MACROD2: variants seen among roughly 807,000 people sequenced by gnomAD.
MACROD2 encodes mono-ADP ribosylhydrolase 2.
MACROD2 carries 36 observed loss-of-function variants against 70.4 expected under a neutral mutation model. The observed-to-expected ratio is 0.51, with a 90% CI of 0.39 to 0.68. The LOEUF is 0.68. MACROD2 is among the 30% of genes least tolerant of loss of function. The pLI, the probability that MACROD2 is intolerant of heterozygous loss-of-function variation, is 0.00. For missense variants in MACROD2, 496 were observed against 538.4 expected (o/e 0.92, Z 0.78); for synonymous variants, 172 against 178.8 (o/e 0.96, Z 0.30).
intron 4 of MACROD2, among the ~76,000 whole-genome samples, chr20:14,542,092 C>T (rs1234770175): frequency 6.6e-6 from 1 of 152,222 alleles, no homozygotes; most frequent in Admixed American, 6.5e-5. Flanking sequence ...ATAGCCTGAA[C>T]GTCTGCTGAC....
chr20:14,906,756 T>A (rs1352321289), intron 5 of MACROD2, among the ~76,000 whole-genome samples: 1 of 152,210 alleles, frequency 6.6e-6, no homozygotes, highest in African/African-American at 2.4e-5. Flanking sequence ...TAACATGTTA[T>A]TTCTTTCGTA....
At chr20:14,337,752 C>G (rs1018351778) in intron 3 of MACROD2, 1 of 388,810 alleles carries the variant, frequency 2.6e-6, no homozygotes, top group Non-Finnish European at 4.5e-6. Flanking sequence ...GCTTTGCAAA[C>G]GCTAGAGGGG....
rs1447824858 is a variant in MACROD2, at chr20:16,050,431, G to T, written c.*555G>T. On this transcript the variant is annotated 3_prime_UTR_variant, in exon 18 of 18. Coordinates refer to ENST00000684519, the MANE Select transcript of MACROD2 (RefSeq NM_001351661.2). ...ATGAGGTGAAAATATTTTCTTCAGG[G>T]TTCCCAAGGCACAATTTGTTCCAAG... is the stretch of plus-strand genomic sequence containing the variant. The T allele has an allele frequency of 6.6e-6, 1 of 152,384 alleles. No individual in the cohort carries two copies. Among genetic ancestry groups the T allele is most frequent in the Admixed American group, 6.5e-5 (1 of 15,294 alleles). The allele number at this position is 152,384 out of a possible 1,614,324, so 9.4% of individuals were successfully genotyped here. A position where few individuals can be genotyped will look rare whatever the true frequency, so the allele number is the denominator to read the frequency against.
intron 4 of MACROD2, among the ~76,000 whole-genome samples, chr20:14,579,127 CTTTTTTTTTTTTTTT>C (rs71190141): frequency 2.7e-5 from 2 of 74,356 alleles, no homozygotes; most frequent in African/African-American, 5.5e-5. Flanking sequence ...GTATCCAATT[CTTTTTTTTTTTTTTT>C]TTTTTTTTTT....
intron 5 of MACROD2, among the ~76,000 whole-genome samples, chr20:14,722,479 C>A (rs1376277494): frequency 6.6e-6 from 1 of 152,198 alleles, no homozygotes; most frequent in African/African-American, 2.4e-5. Flanking sequence ...CCTGTACTTT[C>A]CTCACACCCA....
chr20:15,785,267 GCAAAA>G (rs1021119074), intron 8 of MACROD2, among the ~76,000 whole-genome samples: 1 of 151,862 alleles, frequency 6.6e-6, no homozygotes, highest in Non-Finnish European at 1.5e-5. Context: ...CAAGTTCCAA[GCAAAA>G]CAAAACAAAA....
At chr20:15,238,460 T>A (rs947411579) in intron 6 of MACROD2, among the ~76,000 whole-genome samples, 9 of 152,000 alleles carry the variant, frequency 5.9e-5, no homozygotes, top group African/African-American at 2.2e-4. Flanking sequence ...TGAATGCATG[T>A]AAAGTTGTCC....
At chr20:14,355,135 C>A (rs911361596) in intron 3 of MACROD2, among the ~76,000 whole-genome samples, 4 of 152,200 alleles carry the variant, frequency 2.6e-5, no homozygotes, top group Admixed American at 2.6e-4. Context: ...ATATACCCAG[C>A]AATGGGATTG....
At chr20:15,976,903 A>G (rs750620480) in intron 13 of MACROD2, among the ~76,000 whole-genome samples, 1 of 152,200 alleles carries the variant, frequency 6.6e-6, no homozygotes, top group African/African-American at 2.4e-5. Context: ...GTCAAGCCTT[A>G]CAAGTCACAG....
intron 4 of MACROD2, among the ~76,000 whole-genome samples, chr20:14,533,870 A>G (rs2085334658): frequency 1.3e-5 from 2 of 152,198 alleles, no homozygotes; most frequent in Admixed American, 1.3e-4. Flanking sequence ...GATATACTTT[A>G]ATGTGTCCAC....
rs369444170 is a variant in MACROD2, at chr20:14,120,317, C to G, written c.271+34589C>G. Among the ~76,000 whole-genome samples, 8 of 151,474 alleles carry G rather than the reference C, an allele frequency of 5.3e-5. No homozygotes were observed. The East Asian group carries it at 1.4e-3, about 26-fold the overall frequency. On this transcript the variant is annotated intron_variant, in intron 3 of 17. Transcript: ENST00000684519. ...ATCAGAAATGCACAACAAAACCACA[C>G]TGGGAGACCATCTCACACCAGTCAG... is the stretch of plus-strand genomic sequence containing the variant.
intron 8 of MACROD2, among the ~76,000 whole-genome samples, chr20:15,607,627 G>A (rs970822455): frequency 1.3e-5 from 2 of 152,132 alleles, no homozygotes; most frequent in South Asian, 2.1e-4. Flanking sequence ...TCTGCCTCCC[G>A]GGTTCAAGCG....
chr20:15,498,223 C>T (rs1410092579), intron 7 of MACROD2, among the ~76,000 whole-genome samples: 1 of 152,156 alleles, frequency 6.6e-6, no homozygotes, highest in Non-Finnish European at 1.5e-5. Flanking sequence ...AGGAAAGCAA[C>T]ACATATTCTT....
At chr20:14,545,409 T>C (rs1600368263) in intron 4 of MACROD2, among the ~76,000 whole-genome samples, 1 of 152,118 alleles carries the variant, frequency 6.6e-6, no homozygotes, top group East Asian at 1.9e-4. Flanking sequence ...CATTACAGCC[T>C]ACAGGATCAG....
chr20:14,996,435 C>T (rs537012793), intron 5 of MACROD2, among the ~76,000 whole-genome samples: 55 of 152,268 alleles, frequency 3.6e-4, no homozygotes, highest in Non-Finnish European at 6.0e-4. Flanking sequence ...GGAGGCAGAG[C>T]GAGATGGCTG....
At chr20:15,658,123 AAAT>A (rs1263132343) in intron 8 of MACROD2, among the ~76,000 whole-genome samples, 1 of 151,990 alleles carries the variant, frequency 6.6e-6, no homozygotes, top group African/African-American at 2.4e-5. Context: ...ATTAATAATT[AAAT>A]AATAATTCAT....
chr20:14,423,694 T>C (rs1347855485), intron 3 of MACROD2, among the ~76,000 whole-genome samples: 1 of 123,504 alleles, frequency 8.1e-6, no homozygotes, highest in African/African-American at 2.8e-5. Flanking sequence ...AGCGAGACTC[T>C]GTCTCAAAAA....
At chr20:15,626,533 G>T (rs1600684367) in intron 8 of MACROD2, among the ~76,000 whole-genome samples, 3 of 152,144 alleles carry the variant, frequency 2.0e-5, no homozygotes, top group Non-Finnish European at 4.4e-5. Context: ...AGAGCTAAAA[G>T]GTTTATATTA....
chr20:14,398,899 T>C (rs1248456417), intron 3 of MACROD2, among the ~76,000 whole-genome samples: 2 of 152,202 alleles, frequency 1.3e-5, no homozygotes, highest in African/African-American at 4.8e-5. Flanking sequence ...TATTCCTTTT[T>C]TTAAAATTAA....
Sources: allele counts gnomAD v4.1 joint callset (sites outside exome capture counted in the v4.1 genomes callset), GRCh38; gene constraint gnomAD v4.1.1; transcripts MANE v1.5; gene names NCBI Gene and HGNC (gene_info 2026-07-23, HGNC 2026-07-21).